The following NRG1 variants were observed in gnomAD, a reference collection of about 807,000 sequenced individuals.
NRG1 encodes neuregulin 1, also known as pro-neuregulin-1, membrane-bound isoform.
Under a neutral mutation model 63.8 loss-of-function variants are expected in NRG1, and 18 were observed. The observed-to-expected ratio is 0.28, with a 90% CI of 0.19 to 0.42. The LOEUF (loss-of-function observed/expected upper bound fraction) is 0.42, where lower values mean the gene tolerates loss of function less well. Ranked by LOEUF, NRG1 falls within the 10% of genes least tolerant of loss-of-function variation. The probability of loss-of-function intolerance (pLI) is 1.00; values close to 1 mark genes in which losing one functional copy is unlikely to be tolerated. For missense variants in NRG1, 762 were observed against 814.7 expected (o/e 0.94, Z 0.79); for synonymous variants, 302 against 301.3 (o/e 1.00, Z -0.02).
intron 1 of NRG1, among the ~76,000 whole-genome samples, chr8:32,532,511 A>C (rs560954737): frequency 6.6e-6 from 1 of 152,256 alleles, no homozygotes; most frequent in East Asian, 1.9e-4. Context: ...TAACTAAGAT[A>C]AAAACAGCTG....
In NRG1 at chr8:32,739,337, C is replaced by T. The variant is rs558180241; in HGVS notation, c.633-3338C>T. Among the ~76,000 whole-genome samples, 10 of 152,256 alleles carry T rather than the reference C, an allele frequency of 6.6e-5. No individual in the cohort carries two copies. The East Asian group carries it at 1.9e-3, about 29-fold the overall frequency. ...TACACTAGCACACTCCTAGGAAATG[C>T]TGATGCTGTCAGTTCTAAGTAATAA... On this transcript the variant is annotated intron_variant, in intron 6 of 11. Coordinates refer to ENST00000356819, the Ensembl canonical transcript of NRG1.
chr8:32,532,023 A>T (rs13255598), intron 1 of NRG1, among the ~76,000 whole-genome samples: 8,271 of 152,242 alleles, frequency 0.054, 300 homozygotes, highest in Middle Eastern at 0.085. Context: ...TCCCTGACAT[A>T]CTAGAATTTA....
intron 1 of NRG1, chr8:32,029,435 G>A (rs1674451062): frequency 1.3e-5 from 2 of 152,184 alleles, no homozygotes; most frequent in South Asian, 2.1e-4. Flanking sequence ...CTGCAATGTG[G>A]TGCGAAATGT....
rs1199092704 is a variant in NRG1, at chr8:31,640,694, A to G, written c.37+1263A>G. 6.2e-7 allele frequency: 1 copy of G among 1,605,390 alleles called. No individual in the cohort carries two copies. The highest frequency in any genetic ancestry group is 2.3e-5 in the East Asian group (1 of 44,286). On this transcript the variant is annotated intron_variant, in intron 1 of 10. Transcript: ENST00000519301. This position sits in a 1 kb window ranked among gnomAD's most constrained non-coding sequence, Gnocchi z 6.3. ...CCTCTGGAGACGGGCCGGAACCTCA[A>G]GAAGGAGGTCAGCCGGGTGCTGTGC...
chr8:32,556,985 T>C (rs573302800), intron 1 of NRG1, among the ~76,000 whole-genome samples: 1 of 152,304 alleles, frequency 6.6e-6, no homozygotes, highest in Admixed American at 6.5e-5. Flanking sequence ...GTGTATCAAG[T>C]AGGCATTGGT....
intron 1 of NRG1, among the ~76,000 whole-genome samples, chr8:32,172,479 G>A (rs1840182005): frequency 6.6e-6 from 1 of 152,178 alleles, no homozygotes; most frequent in South Asian, 2.1e-4. Context: ...ACCAGCAATG[G>A]AACAAAGCTG....
chr8:32,046,417 A>G (rs892594785), intron 1 of NRG1, among the ~76,000 whole-genome samples: 1 of 152,102 alleles, frequency 6.6e-6, no homozygotes, highest in Non-Finnish European at 1.5e-5. Flanking sequence ...ACAAATGCTT[A>G]TCATATGACC....
intron 1 of NRG1, among the ~76,000 whole-genome samples, chr8:31,676,250 T>G (rs1212145012): frequency 6.6e-6 from 1 of 152,098 alleles, no homozygotes; most frequent in Non-Finnish European, 1.5e-5. Context: ...GTCTGAATAG[T>G]TTTAGGCTGC....
intron 1 of NRG1, among the ~76,000 whole-genome samples, chr8:32,263,330 C>G (rs781482871): frequency 3.3e-5 from 5 of 152,166 alleles, no homozygotes; most frequent in African/African-American, 1.2e-4. Context: ...AGCATGTGTA[C>G]TAAGCATTAT....
intron 1 of NRG1, among the ~76,000 whole-genome samples, chr8:32,032,185 C>T (rs1818354081): frequency 6.6e-6 from 1 of 152,050 alleles, no homozygotes; most frequent in Non-Finnish European, 1.5e-5. Context: ...TTTTGATTTG[C>T]ATTTCTCTAG....
chr8:32,331,610 A>T (rs1563323828), intron 1 of NRG1, among the ~76,000 whole-genome samples: 2 of 152,204 alleles, frequency 1.3e-5, no homozygotes, highest in Admixed American at 1.3e-4. Context: ...AGAGAAGGTT[A>T]TCTTTTATCT....
chr8:31,989,253 CAAAAAAAA>C (rs10692906), intron 1 of NRG1, among the ~76,000 whole-genome samples: 2 of 47,522 alleles, frequency 4.2e-5, no homozygotes, highest in Non-Finnish European at 6.3e-5. Context: ...GACTCTGTCT[CAAAAAAAA>C]AAAAAAAAAA....
chr8:32,377,403 A>G (rs1809764032), intron 1 of NRG1, among the ~76,000 whole-genome samples: 1 of 152,184 alleles, frequency 6.6e-6, no homozygotes, highest in Non-Finnish European at 1.5e-5. Context: ...AAGTTATGCT[A>G]CTTGTATCTA....
intron 1 of NRG1, among the ~76,000 whole-genome samples, chr8:32,229,643 A>G (rs573075783): frequency 6.6e-6 from 1 of 152,268 alleles, no homozygotes; most frequent in African/African-American, 2.4e-5. Flanking sequence ...CCAACAAAAG[A>G]GAAAAAACAG....
At chr8:32,127,714 GA>G (rs1328916221) in intron 1 of NRG1, among the ~76,000 whole-genome samples, 6 of 151,756 alleles carry the variant, frequency 4.0e-5, no homozygotes, top group Non-Finnish European at 7.4e-5. Flanking sequence ...TTGAAATCAG[GA>G]AGACACTCTT....
intron 1 of NRG1, among the ~76,000 whole-genome samples, chr8:32,513,527 A>G (rs948984237): frequency 6.6e-6 from 1 of 152,082 alleles, no homozygotes; most frequent in Non-Finnish European, 1.5e-5. Flanking sequence ...CTCAGCCTCT[A>G]TCTGTCAAGT....
chr8:32,605,694 C>G lies in NRG1; in HGVS notation c.400+11C>G, dbSNP rs1324737678. The G allele has an allele frequency of 3.7e-6, 6 of 1,612,032 alleles. No individual in the cohort carries two copies. The highest frequency in any genetic ancestry group is 1.3e-5 in the African/African-American group (1 of 74,934). On this transcript the variant is annotated intron_variant, in intron 3 of 11. Coordinates refer to ENST00000356819, the Ensembl canonical transcript of NRG1. ...TCGTGGAATCAAACGGTAAGAGATA[C>G]CTACGGTATTCTGTTCCTCAATCTG...
chr8:31,919,975 A>C (rs1359391390), intron 1 of NRG1, among the ~76,000 whole-genome samples: 2 of 152,192 alleles, frequency 1.3e-5, no homozygotes, highest in African/African-American at 4.8e-5. Context: ...ATCAACCCAC[A>C]GATTTTTTGT....
At chr8:32,507,961 G>A (rs1257033295) in intron 1 of NRG1, among the ~76,000 whole-genome samples, 8 of 152,196 alleles carry the variant, frequency 5.3e-5, no homozygotes, top group African/African-American at 2.4e-5. Context: ...GTCTCCCAAA[G>A]TGTTGGGATT....
Sources: allele counts gnomAD v4.1 joint callset (sites outside exome capture counted in the v4.1 genomes callset), GRCh38; gene constraint gnomAD v4.1.1; non-coding constraint Gnocchi (gnomAD v3.1); transcripts MANE v1.5; gene names NCBI Gene and HGNC (gene_info 2026-07-23, HGNC 2026-07-21).